Variants in ZNF44 observed in about 807,000 individuals in gnomAD.
ZNF44 encodes gonadotropin inducible transcription repressor-2.
A neutral mutation model predicts 11.7 loss-of-function variants in ZNF44; 9 were observed. The ratio of observed to expected loss-of-function variants is 0.77; its 90% CI spans 0.46 to 1.35. The LOEUF (loss-of-function observed/expected upper bound fraction) is 1.35. ZNF44 is among the 40% of genes most tolerant of loss of function. ZNF44 has a pLI of 0.00. For synonymous variants in ZNF44, 224 were observed against 242.7 expected, an observed-to-expected ratio of 0.92 and a Z score of 0.72; for missense variants, 696 against 743.1, an observed-to-expected ratio of 0.94 and a Z score of 0.74.
chr19:12,238,884 G>A (rs916327924), upstream of ZNF44, among the ~76,000 whole-genome samples: 1 of 152,138 alleles, frequency 6.6e-6, no homozygotes, highest in Non-Finnish European at 1.5e-5. Flanking sequence ...AATGAATCAC[G>A]TTCCCAACCT....
At chr19:12,285,141 GTC>G (rs1967676946) in intron 1 of ZNF44, 2 of 611,088 alleles carry the variant, frequency 3.3e-6, no homozygotes, top group East Asian at 2.6e-5. Context: ...CCACACCAGA[GTC>G]TCTGTGCAGA....
At position 12,294,720 on chromosome 19, in the gene ZNF44, C is replaced by G. The variant is rs1448628901; in HGVS notation, c.-26G>C. 1 of 1,555,352 alleles carries G rather than the reference C, an allele frequency of 6.4e-7. No individual in the cohort carries two copies. Among genetic ancestry groups the G allele is most frequent in the Non-Finnish European group, 8.7e-7 (1 of 1,150,508 alleles). On this transcript the variant is annotated 5_prime_UTR_variant, in exon 1 of 4. Transcript: ENST00000355684. Reference sequence around the variant, plus strand: ...TTCCCGGCTGTGCGGTGTCCCGGGTCCTCCCAACTCCCGTAGTCAGGGTAG... The same window carrying G: ...TTCCCGGCTGTGCGGTGTCCCGGGTGCTCCCAACTCCCGTAGTCAGGGTAG...
chr19:12,279,620 T>C (rs1469954158), intron 1 of ZNF44, among the ~76,000 whole-genome samples: 1 of 151,988 alleles, frequency 6.6e-6, no homozygotes, highest in Non-Finnish European at 1.5e-5. Context: ...AAAGCAACTG[T>C]CTTAAATATA....
At position 12,265,252 on chromosome 19, in the gene ZNF44, G is replaced by A. The variant is rs531259419; in HGVS notation, c.1912+7235C>T. Among the ~76,000 whole-genome samples, 11 of 152,106 alleles carry A rather than the reference G, an allele frequency of 7.2e-5. No individual in the cohort carries two copies. In the East Asian group the frequency reaches 1.9e-3, roughly 27 times the overall value. ...GAGGCACGCTCTCTACAAAAAATTAGCTGGGTGTGGTGGTCCCAGCTACTC... is the reference window on the plus strand; with the variant it reads ...GAGGCACGCTCTCTACAAAAAATTAACTGGGTGTGGTGGTCCCAGCTACTC... On this transcript the variant is annotated intron_variant and NMD_transcript_variant, in intron 5 of 7. Coordinates refer to the ZNF44 transcript ENST00000393337.
In ZNF44 at chr19:12,276,035, C is replaced by T. The variant is rs1362235507; in HGVS notation, c.51G>A (p.Glu17=). The change falls in exon 2 of 4, where the codon GAG becomes GAA. Residue 17 remains glutamate, a synonymous_variant. Transcript: ENST00000355684. Reference sequence around the variant, plus strand: ...TCTGTGATGGACCCAGCAAAGCCCACTCCTCATGGGTGAAGTTCACAGCCA... The same window carrying T: ...TCTGTGATGGACCCAGCAAAGCCCATTCCTCATGGGTGAAGTTCACAGCCA... The part of the protein sequence containing the change: ...EDVAVNFTHE[E]WALLGPSQKN... 1.2e-6 allele frequency: 2 copies of T among 1,609,416 alleles called. No individual in the cohort carries two copies. Among genetic ancestry groups the T allele is most frequent in the South Asian group, 2.2e-5 (2 of 91,050 alleles).
intron 1 of ZNF44, among the ~76,000 whole-genome samples, chr19:12,291,693 C>CAA (rs997223160): frequency 6.9e-6 from 1 of 144,408 alleles, no homozygotes; most frequent in Non-Finnish European, 1.5e-5. Flanking sequence ...GACCATGTCT[C>CAA]AAAAAAAAAA....
downstream of ZNF44, chr19:12,224,897 C>A (rs1599474985): frequency 6.6e-6 from 1 of 151,740 alleles, no homozygotes; most frequent in Non-Finnish European, 1.5e-5. Context: ...GGGGTGACAT[C>A]TTTCCGGCAG....
chr19:12,228,200 A>ATTG (rs1177154566), intron 3 of ZNF44, among the ~76,000 whole-genome samples: 1 of 137,724 alleles, frequency 7.3e-6, no homozygotes, highest in Non-Finnish European at 1.6e-5. Flanking sequence ...CTTCAAAACA[A>ATTG]TTGTTTAACT....
chr19:12,240,645 T>A (rs946902528), upstream of ZNF44, among the ~76,000 whole-genome samples: 2 of 152,084 alleles, frequency 1.3e-5, no homozygotes, highest in Non-Finnish European at 2.9e-5. Context: ...AGAAAATGCT[T>A]GCATATGTGG....
intron 5 of ZNF44, chr19:12,260,513 G>A (rs2145704733): frequency 9.3e-6 from 11 of 1,187,810 alleles, no homozygotes; most frequent in Non-Finnish European, 1.2e-5. Context: ...AGCGGAAGCG[G>A]ACCCGCGCCA....
chr19:12,238,107 C>G (rs1202302975), upstream of ZNF44: 3 of 152,134 alleles, frequency 2.0e-5, no homozygotes, highest in Non-Finnish European at 4.4e-5. Context: ...CTCAGTCTAC[C>G]CATTTTCAGG....
intron 1 of ZNF44, 158 bp from the exon 2 acceptor site, chr19:12,276,240 A>C (rs756695397): frequency 6.9e-5 from 80 of 1,165,888 alleles, no homozygotes; most frequent in Non-Finnish European, 9.2e-5. Flanking sequence ...TCACTGTCTG[A>C]TGCTGGAATT....
intron 1 of ZNF44, among the ~76,000 whole-genome samples, chr19:12,286,903 C>G (rs962017362): frequency 6.6e-6 from 1 of 151,062 alleles, no homozygotes; most frequent in Admixed American, 6.6e-5. Flanking sequence ...CCAGCCTGGG[C>G]AATAGAGTAA....
downstream of ZNF44, among the ~76,000 whole-genome samples, chr19:12,246,198 A>C (rs1013815127): frequency 1.3e-5 from 2 of 152,204 alleles, no homozygotes; most frequent in African/African-American, 4.8e-5. Flanking sequence ...AATTTAGTTC[A>C]CGTTACCCAT....
intron 7 of ZNF44, chr19:12,248,803 T>A (rs531016275): frequency 7.8e-5 from 39 of 502,988 alleles, no homozygotes; most frequent in African/African-American, 7.5e-4. Flanking sequence ...CTGTCTAAAT[T>A]GCTTGTGAGG....
At chr19:12,294,638 TGGTTCCGACC>T (rs1182094789) in intron 1 of ZNF44, 44 bp downstream of exon 1, 2 of 1,547,520 alleles carry the variant, frequency 1.3e-6, no homozygotes, top group African/African-American at 2.8e-5. Context: ...CGGTTCCGAC[TGGTTCCGACC>T]AGCCCTTCGC....
chr19:12,245,788 C>G (rs1265563254), downstream of ZNF44, among the ~76,000 whole-genome samples: 1 of 150,044 alleles, frequency 6.7e-6, no homozygotes, highest in Non-Finnish European at 1.5e-5. Flanking sequence ...TTTCTAGAAT[C>G]TTTTTTTTTT....
chr19:12,232,646 G>A (rs114150014), intron 2 of ZNF44, among the ~76,000 whole-genome samples: 9 of 152,330 alleles, frequency 5.9e-5, no homozygotes, highest in Non-Finnish European at 1.2e-4. Flanking sequence ...GTTCCAGAGA[G>A]CAGGGGGTTG....
chr19:12,272,785 G>C lies in ZNF44; in HGVS notation c.1470C>G (p.Tyr490Ter). 6.2e-7 allele frequency: 1 copy of C among 1,613,738 alleles called. No homozygotes were observed. The highest frequency in any genetic ancestry group is 8.5e-7 in the Non-Finnish European group (1 of 1,179,846). ...TGTGAGTCCTTTCATGGCGACAAAA[G>C]TATTTAAAAGAACTAAATGCTTTCC... is the stretch of plus-strand genomic sequence containing the variant. ...ECGKAFSSFK[Y>*]FCRHERTHSE... The change falls in exon 4 of 4, where the codon TAC becomes TAG. Residue 490 changes from tyrosine to a stop codon, truncating the protein, a stop_gained. Transcript: ENST00000355684. LOFTEE classifies it low-confidence loss of function (END_TRUNC).
Sources: allele counts gnomAD v4.1 joint callset (sites outside exome capture counted in the v4.1 genomes callset), GRCh38; gene constraint gnomAD v4.1.1; transcripts MANE v1.5; gene names NCBI Gene and HGNC (gene_info 2026-07-23, HGNC 2026-07-21).